Variants in ABCB1 observed in about 807,000 individuals in gnomAD.
ABCB1 encodes ATP-dependent translocase ABCB1.
Under a neutral mutation model 142.0 loss-of-function variants are expected in ABCB1, and 69 were observed. The ratio of observed to expected loss-of-function variants is 0.49; its 90% CI spans 0.40 to 0.59. ABCB1 has a LOEUF of 0.59. ABCB1 is among the 20% of genes least tolerant of loss of function. The pLI, the probability that ABCB1 is intolerant of heterozygous loss-of-function variation, is 0.00. For missense variants in ABCB1, 1,326 were observed against 1,554.7 expected, an observed-to-expected ratio of 0.85 and a Z score of 2.47; for synonymous variants, 532 against 539.2, an observed-to-expected ratio of 0.99 and a Z score of 0.18.
rs1239488856 is a variant in ABCB1 at position 87,536,440 on chromosome 7, T to G, written c.2481+18A>C. 1 of 1,613,172 alleles carries G rather than the reference T, an allele frequency of 6.2e-7. No homozygotes were observed. The highest frequency in any genetic ancestry group is 1.7e-5 in the Admixed American group (1 of 60,000). ...AATGGCCAATTAAGACAAACACCAG[T>G]AGAAAGGAGGCACGTACCCCTTTAA... On this transcript the variant is annotated intron_variant, in intron 20 of 27. Transcript: ENST00000622132.
chr7:87,682,431 G>A (rs1223190066), intron 1 of ABCB1, among the ~76,000 whole-genome samples: 2 of 152,138 alleles, frequency 1.3e-5, no homozygotes, highest in South Asian at 2.1e-4. Flanking sequence ...TGTCTATGGA[G>A]GCTAGAGCCT....
intron 8 of ABCB1, among the ~76,000 whole-genome samples, chr7:87,559,787 G>T (rs1328149362): frequency 2.6e-5 from 4 of 152,156 alleles, no homozygotes; most frequent in African/African-American, 9.7e-5. Context: ...TCAGGCCTGA[G>T]AATCTAACTT....
chr7:87,562,763 GAA>G (rs1256115733), intron 7 of ABCB1, among the ~76,000 whole-genome samples: 37 of 86,176 alleles, frequency 4.3e-4, no homozygotes, highest in Admixed American at 1.1e-3. Context: ...TCTGTGAAAA[GAA>G]AAAAAAAAAA....
At position 87,702,514 on chromosome 7, in the gene ABCB1, G is replaced by C. The variant is rs191649210; in HGVS notation, c.-331+10647C>G. Among the ~76,000 whole-genome samples, 15 of 152,068 alleles carry C rather than the reference G, an allele frequency of 9.9e-5. No homozygotes were observed. In the East Asian group the frequency reaches 1.4e-3, roughly 14 times the overall value. On this transcript the variant is annotated intron_variant, in intron 1 of 28. Coordinates refer to the ABCB1 transcript ENST00000265724. ...AGGCTAGTCTAGAAATCCTGGCTTC[G>C]AGCAGTCTTTCTGCTGCAGCCTCCC...
chr7:87,560,327 G>A (rs1817506403), intron 8 of ABCB1, among the ~76,000 whole-genome samples: 1 of 152,148 alleles, frequency 6.6e-6, no homozygotes, highest in South Asian at 2.1e-4. Context: ...ATATTTATAT[G>A]TGTGAATATA....
intron 3 of ABCB1, among the ~76,000 whole-genome samples, chr7:87,594,960 G>A (rs1819137930): frequency 6.6e-6 from 1 of 152,050 alleles, no homozygotes; most frequent in Admixed American, 6.5e-5. Flanking sequence ...AGTCTTCCAG[G>A]TTCTAATCTC....
chr7:87,635,288 A>G (rs1821652676), intron 1 of ABCB1, among the ~76,000 whole-genome samples: 2 of 152,194 alleles, frequency 1.3e-5, no homozygotes, highest in African/African-American at 4.8e-5. Context: ...AGATTCCATC[A>G]GTCTGCACTG....
At chr7:87,508,870 A>G (rs6946379) in intron 26 of ABCB1, among the ~76,000 whole-genome samples, 147,806 of 152,220 alleles carry the variant, frequency 0.97, 71,799 homozygotes, top group East Asian at 1. Context: ...TCAGCAGGCC[A>G]GAAGCAGCAT....
intron 23 of ABCB1, 68 bp from the exon 24 acceptor site, chr7:87,516,733 T>A: frequency 2.3e-5 from 9 of 390,000 alleles, no homozygotes; most frequent in Non-Finnish European, 3.5e-5. Context: ...TGACACTCCT[T>A]TTTTTTTTTT....
At chr7:87,504,530 C>A (rs529215506) in intron 27 of ABCB1, 81 bp from the exon 28 acceptor site, 1 of 1,560,518 alleles carries the variant, frequency 6.4e-7, no homozygotes, top group Non-Finnish European at 8.7e-7. Flanking sequence ...CACAGTAGGA[C>A]GGGCATGGTG....
chr7:87,693,892 TA>T, intron 1 of ABCB1: 6 of 1,604,158 alleles, frequency 3.7e-6, no homozygotes, highest in Non-Finnish European at 5.1e-6. Flanking sequence ...TTGTTGTTGT[TA>T]TTTTTTTTTT....
At chr7:87,637,026 TC>T (rs936336098) in intron 1 of ABCB1, among the ~76,000 whole-genome samples, 4 of 152,124 alleles carry the variant, frequency 2.6e-5, no homozygotes, top group Non-Finnish European at 4.4e-5. Context: ...TATAAAACCA[TC>T]AGCTCTCGTG....
intron 25 of ABCB1, among the ~76,000 whole-genome samples, chr7:87,512,760 T>C (rs1372086316): frequency 6.6e-6 from 1 of 152,350 alleles, no homozygotes; most frequent in Admixed American, 6.5e-5. Context: ...CTGGCTGCAG[T>C]GCACCATCTG....
At chr7:87,626,628 T>C (rs1484370135) in intron 1 of ABCB1, among the ~76,000 whole-genome samples, 2 of 8,910 alleles carry the variant, frequency 2.2e-4, no homozygotes, top group Non-Finnish European at 3.7e-4. Flanking sequence ...ATGTGTCATA[T>C]ATATGTGTCA....
In ABCB1 at chr7:87,536,485, G is replaced by A. The variant is rs759267875; in HGVS notation, c.2454C>T (p.Leu818=). 18 of 1,613,920 alleles carry A rather than the reference G, an allele frequency of 1.1e-5. No homozygotes were observed. The highest frequency in any genetic ancestry group is 8.8e-5 in the South Asian group (8 of 91,074). ...CTTTAACTTGAGCAGCATCATTGGC[G>A]AGCCTGGTAGTCAATGCTCCAGTGG... ...KNTTGALTTR[L]ANDAAQVKGA... The change falls in exon 20 of 28, where the codon CTC becomes CTT. Residue 818 remains leucine, a synonymous_variant. Coordinates refer to ENST00000622132, the MANE Select transcript of ABCB1 (RefSeq NM_001348946.2).
upstream of ABCB1, among the ~76,000 whole-genome samples, chr7:87,602,245 G>A (rs191072244): frequency 1.6e-4 from 24 of 150,896 alleles, no homozygotes; most frequent in Non-Finnish European, 3.4e-4. Flanking sequence ...CGCCCGCCTC[G>A]GCCTCCCAAA....
At chr7:87,607,325 G>A (rs1322161546) in intron 1 of ABCB1, among the ~76,000 whole-genome samples, 1 of 152,154 alleles carries the variant, frequency 6.6e-6, no homozygotes, top group Non-Finnish European at 1.5e-5. Context: ...AAGGACTTCA[G>A]TGTCATTCTC....
In ABCB1 at chr7:87,546,024, C is replaced by T; in HGVS notation, c.1726G>A (p.Ala576Thr). The part of the protein sequence containing the change: ...EAVVQVALDK[A>T]RKGRTTIVIA... ...ACAATGGTGGTCCGACCTTTTCTGG[C>T]CTAAAGAGAGAGAAATTTGGTTTTT... The change falls in exon 15 of 28, where the codon GCC becomes ACC. Residue 576 changes from alanine (A) to threonine (T), a missense_variant and splice_region_variant. Coordinates refer to ENST00000622132, the MANE Select transcript of ABCB1 (RefSeq NM_001348946.2). 1 of 1,613,930 alleles carries T rather than the reference C, an allele frequency of 6.2e-7. No homozygotes were observed. Among genetic ancestry groups the T allele is most frequent in the Non-Finnish European group, 8.5e-7 (1 of 1,179,962 alleles).
chr7:87,683,299 T>G (rs967785070), intron 1 of ABCB1, among the ~76,000 whole-genome samples: 4 of 152,224 alleles, frequency 2.6e-5, no homozygotes, highest in African/African-American at 9.6e-5. Flanking sequence ...CCTTCATGTG[T>G]TCACTGGAAT....
Sources: gnomAD v4.1 joint callset for allele counts (sites outside exome capture counted in the v4.1 genomes callset) on GRCh38, gnomAD v4.1.1 for gene constraint, MANE v1.5 for transcripts, NCBI Gene and HGNC (gene_info 2026-07-23, HGNC 2026-07-21) for gene names.